The following TRERF1 variants were observed in gnomAD, a reference collection of about 807,000 sequenced individuals.
TRERF1 encodes transcriptional-regulating factor 1.
TRERF1 carries 27 observed loss-of-function variants against 122.9 expected under a neutral mutation model. The observed-to-expected ratio is 0.22, with a 90% CI of 0.16 to 0.30. TRERF1 has a LOEUF of 0.30. Among genes scored for constraint, TRERF1 ranks in the 10% least tolerant of loss-of-function variants. The probability of loss-of-function intolerance (pLI) is 1.00; values close to 1 mark genes in which losing one functional copy is unlikely to be tolerated. For missense variants in TRERF1, 1,248 were observed against 1,560.3 expected (o/e 0.80, Z 3.37); for synonymous variants, 636 against 641.7 (o/e 0.99, Z 0.13).
intron 2 of TRERF1, among the ~76,000 whole-genome samples, chr6:42,369,432 A>T (rs984761980): frequency 1.3e-5 from 2 of 152,176 alleles, no homozygotes; most frequent in African/African-American, 4.8e-5. Flanking sequence ...CAACAGAGCG[A>T]GACTCCAACT....
intron 2 of TRERF1, among the ~76,000 whole-genome samples, chr6:42,408,258 T>TGTGTGTGTATGTATATATACATACAC (rs1780534841): frequency 2.4e-5 from 2 of 84,104 alleles, no homozygotes; most frequent in Admixed American, 2.2e-4. Context: ...TACATACACA[T>TGTGTGTGTATGTATATATACATACAC]GTGTGTGTAT....
At chr6:42,286,358 C>T (rs10807280) in intron 4 of TRERF1, among the ~76,000 whole-genome samples, 34,150 of 122,188 alleles carry the variant, frequency 0.28, 6,161 homozygotes, top group African/African-American at 0.36. Flanking sequence ...ACAGGCAACA[C>T]ACAAAATGGG....
At chr6:42,325,234 T>C (rs192304978) in intron 3 of TRERF1, among the ~76,000 whole-genome samples, 2 of 152,316 alleles carry the variant, frequency 1.3e-5, no homozygotes, top group East Asian at 3.9e-4. Context: ...CAAATGGCTA[T>C]TATTAAAAAG....
In TRERF1 at chr6:42,275,218, T is replaced by C. The variant is rs147935155; in HGVS notation, c.-258-5370A>G. Reference sequence around the variant, plus strand: ...AATACCAACTCAGGATTCAAGTCTTTATTATTTTTCTAACAAGGTAACTGT... The same window carrying C: ...AATACCAACTCAGGATTCAAGTCTTCATTATTTTTCTAACAAGGTAACTGT... On this transcript the variant is annotated intron_variant, in intron 4 of 17. Coordinates refer to ENST00000372922, the Ensembl canonical transcript of TRERF1. The surrounding 1 kb of genome is among the most constrained non-coding windows in gnomAD (Gnocchi z 4.1). Among the ~76,000 whole-genome samples the C allele has an allele frequency of 1.3e-5, 2 of 152,368 alleles. No homozygotes were observed. The highest frequency in any genetic ancestry group is 2.9e-5 in the Non-Finnish European group (2 of 68,042).
chr6:42,402,641 T>C (rs1199221322), intron 2 of TRERF1, among the ~76,000 whole-genome samples: 1 of 152,172 alleles, frequency 6.6e-6, no homozygotes, highest in East Asian at 1.9e-4. Flanking sequence ...CCTTCTGAAT[T>C]CTTATAAAGT....
rs182293839 is a variant in TRERF1, at chr6:42,342,756, A to C, written c.-371+20241T>G. On this transcript the variant is annotated intron_variant, in intron 3 of 17. Transcript: ENST00000372922. Reference sequence around the variant, plus strand: ...CCTGTCTTCAACAGTCTTGGCTGTAAAACTCTTTCCTTGAAGTTACTAACA... The same window carrying C: ...CCTGTCTTCAACAGTCTTGGCTGTACAACTCTTTCCTTGAAGTTACTAACA... 3.9e-4 allele frequency among the ~76,000 whole-genome samples: 59 copies of C among 152,248 alleles called. 1 individual carries two copies. Among genetic ancestry groups the C allele is most frequent in the Non-Finnish European group, 7.5e-4 (51 of 68,016 alleles).
intron 2 of TRERF1, among the ~76,000 whole-genome samples, chr6:42,380,113 C>G (rs1775658096): frequency 6.6e-6 from 1 of 151,848 alleles, no homozygotes; most frequent in Non-Finnish European, 1.5e-5. Flanking sequence ...GGAAGATATT[C>G]CAGGCAAAGG....
At chr6:42,378,885 G>C (rs973423006) in intron 2 of TRERF1, among the ~76,000 whole-genome samples, 1 of 152,120 alleles carries the variant, frequency 6.6e-6, no homozygotes, top group African/African-American at 2.4e-5. Flanking sequence ...GGAGGCCAAG[G>C]CAGGCAGATT....
chr6:42,267,121 T>G (rs761084734), intron 5 of TRERF1, among the ~76,000 whole-genome samples: 1 of 152,050 alleles, frequency 6.6e-6, no homozygotes, highest in Non-Finnish European at 1.5e-5. Flanking sequence ...GGCCAGGAGT[T>G]CAAGAGCAGC....
At chr6:42,414,498 C>T (rs1218049451) in intron 2 of TRERF1, among the ~76,000 whole-genome samples, 1 of 152,182 alleles carries the variant, frequency 6.6e-6, no homozygotes, top group Admixed American at 6.5e-5. Context: ...CTGCAACTTG[C>T]TTTTTTCACT....
intron 2 of TRERF1, among the ~76,000 whole-genome samples, chr6:42,369,402 C>T (rs1422654408): frequency 6.6e-6 from 1 of 152,126 alleles, no homozygotes; most frequent in Non-Finnish European, 1.5e-5. Flanking sequence ...CAAGATCAAG[C>T]CACTGCACTC....
At chr6:42,290,388 T>C (rs34034006) in intron 4 of TRERF1, among the ~76,000 whole-genome samples, 20,634 of 152,134 alleles carry the variant, frequency 0.14, 1,414 homozygotes, top group African/African-American at 0.16. Context: ...AGCCGATTTC[T>C]TCCTCTTGCC....
chr6:42,242,847 T>C (rs975128711), intron 15 of TRERF1, among the ~76,000 whole-genome samples: 2 of 152,190 alleles, frequency 1.3e-5, no homozygotes, highest in African/African-American at 4.8e-5. Flanking sequence ...CCAGGGACCC[T>C]TTCTGAGGCA....
chr6:42,355,962 G>T (rs1026656451), intron 3 of TRERF1, among the ~76,000 whole-genome samples: 5 of 152,208 alleles, frequency 3.3e-5, no homozygotes, highest in Admixed American at 3.3e-4. Flanking sequence ...AAATTTCATT[G>T]AGGCTGACCA....
chr6:42,399,411 G>A (rs1388060586), intron 2 of TRERF1, among the ~76,000 whole-genome samples: 1 of 151,960 alleles, frequency 6.6e-6, no homozygotes, highest in African/African-American at 2.4e-5. Context: ...CAGTGAAATC[G>A]TTCCAGACTA....
At chr6:42,419,979 A>G (rs1057221825) in intron 2 of TRERF1, among the ~76,000 whole-genome samples, 1 of 152,204 alleles carries the variant, frequency 6.6e-6, no homozygotes, top group Non-Finnish European at 1.5e-5. Context: ...CTTCACCTCC[A>G]TTTTGGAATT....
intron 3 of TRERF1, among the ~76,000 whole-genome samples, chr6:42,347,063 C>G (rs978428689): frequency 1.3e-5 from 2 of 152,222 alleles, no homozygotes; most frequent in Non-Finnish European, 2.9e-5. Flanking sequence ...TTCACAGACA[C>G]GAGCTTATCA....
At chr6:42,357,016 G>C (rs1377845372) in intron 3 of TRERF1, among the ~76,000 whole-genome samples, 1 of 152,064 alleles carries the variant, frequency 6.6e-6, no homozygotes, top group Non-Finnish European at 1.5e-5. Flanking sequence ...GAAACCAGTG[G>C]TAAGGGGTCT....
chr6:42,263,425 G>C lies in TRERF1; in HGVS notation c.1779C>G (p.Leu593=). 6.2e-7 allele frequency: 1 copy of C among 1,612,234 alleles called. No homozygotes were observed. The highest frequency in any genetic ancestry group is 8.5e-7 in the Non-Finnish European group (1 of 1,179,192). ...ACCCCTGAGAGCTGGGCTTGGGCGGGAGAAGCTTGACAGGGACAGACACGG... is the reference window on the plus strand; with the variant it reads ...ACCCCTGAGAGCTGGGCTTGGGCGGCAGAAGCTTGACAGGGACAGACACGG... The change falls in exon 8 of 18, where the codon CTC becomes CTG. Residue 593 remains leucine (L), a synonymous_variant. Transcript: ENST00000372922. The surrounding 1 kb of genome is among the most constrained non-coding windows in gnomAD (Gnocchi z 5.6).
Sources: allele counts gnomAD v4.1 joint callset (sites outside exome capture counted in the v4.1 genomes callset), GRCh38; gene constraint gnomAD v4.1.1; non-coding constraint Gnocchi (gnomAD v3.1); transcripts MANE v1.5; gene names NCBI Gene and HGNC (gene_info 2026-07-23, HGNC 2026-07-21).